The following DPP6 variants were observed in gnomAD, a reference collection of about 807,000 sequenced individuals.
The protein encoded by DPP6 is A-type potassium channel modulatory protein DPP6.
A neutral mutation model predicts 122.6 loss-of-function variants in DPP6; 69 were observed. The ratio of observed to expected loss-of-function variants is 0.56; its 90% CI spans 0.46 to 0.69. The LOEUF (loss-of-function observed/expected upper bound fraction) is 0.69. DPP6 is among the 30% of genes least tolerant of loss of function. DPP6 has a pLI of 0.00. For synonymous variants in DPP6, 418 were observed against 433.1 expected (o/e 0.97, Z 0.43); for missense variants, 928 against 1,116.9 (o/e 0.83, Z 2.41).
At chr7:154,560,881 T>G (rs1203942057) in intron 4 of DPP6, among the ~76,000 whole-genome samples, 1 of 132,768 alleles carries the variant, frequency 7.5e-6, no homozygotes, top group Non-Finnish European at 1.6e-5. Flanking sequence ...AGACTCCGTC[T>G]TAAAAAAAAA....
intron 1 of DPP6, among the ~76,000 whole-genome samples, chr7:154,430,944 A>G (rs1219321966): frequency 2.0e-5 from 3 of 152,138 alleles, no homozygotes; most frequent in East Asian, 1.9e-4. Flanking sequence ...TGCAAGTTCA[A>G]CGTGTGAAAA....
At chr7:154,408,018 C>G (rs552140333) in intron 1 of DPP6, among the ~76,000 whole-genome samples, 8 of 152,314 alleles carry the variant, frequency 5.3e-5, no homozygotes, top group African/African-American at 1.9e-4. Context: ...TTAAAACCAA[C>G]CTGGCACTTA....
At chr7:153,891,768 G>A (rs1353919993) in intron 1 of DPP6, among the ~76,000 whole-genome samples, 1 of 152,194 alleles carries the variant, frequency 6.6e-6, no homozygotes, top group Non-Finnish European at 1.5e-5. Context: ...ACTGTCCTGT[G>A]ACCCTTGGCG....
chr7:154,683,535 C>T (rs2131179425), intron 7 of DPP6, among the ~76,000 whole-genome samples: 1 of 152,272 alleles, frequency 6.6e-6, no homozygotes, highest in East Asian at 1.9e-4. Flanking sequence ...GTAACAGCTG[C>T]CTTCTTGGTT....
the DPP6 span, among the ~76,000 whole-genome samples, chr7:153,793,341 C>T: frequency 6.8e-6 from 1 of 146,972 alleles, no homozygotes; most frequent in Non-Finnish European, 1.5e-5. Context: ...GGAACTGGAG[C>T]AAAGGTGACT....
intron 1 of DPP6, among the ~76,000 whole-genome samples, chr7:154,210,849 A>G (rs1799701680): frequency 6.6e-6 from 1 of 152,026 alleles, no homozygotes; most frequent in Non-Finnish European, 1.5e-5. Flanking sequence ...AAAAAAAGAC[A>G]AAAGAAAAAG....
At chr7:154,463,796 T>C (rs1188851243) in intron 2 of DPP6, among the ~76,000 whole-genome samples, 1 of 152,132 alleles carries the variant, frequency 6.6e-6, no homozygotes, top group Non-Finnish European at 1.5e-5. Context: ...TTCCTGGTGC[T>C]CTATTCTACT....
chr7:154,707,312 G>A (rs553098086), intron 7 of DPP6, among the ~76,000 whole-genome samples: 6 of 152,160 alleles, frequency 3.9e-5, no homozygotes, highest in Admixed American at 1.3e-4. Context: ...AGGCAAGCAC[G>A]GCAGGTGTAA....
rs555575233 is a variant in DPP6, at chr7:154,535,375, A to G, written c.458-5157A>G. 7.0e-5 allele frequency among the ~76,000 whole-genome samples: 8 copies of G among 114,818 alleles called. No homozygotes were observed. In the East Asian group the frequency reaches 1.7e-3, roughly 25 times the overall value. 75.3% of individuals were successfully genotyped at this position (114,818 alleles called of 152,430 possible). On this transcript the variant is annotated intron_variant, in intron 3 of 25. Coordinates refer to ENST00000377770, the MANE Select transcript of DPP6 (RefSeq NM_130797.4). ...AAGAAAAATACAAAAAATAGATTTCATTCACTTTAGATTTTTTTTTTTTAT... is the reference window on the plus strand; with the variant it reads ...AAGAAAAATACAAAAAATAGATTTCGTTCACTTTAGATTTTTTTTTTTTAT...
chr7:153,853,487 C>T, the DPP6 span, among the ~76,000 whole-genome samples: 1 of 152,148 alleles, frequency 6.6e-6, no homozygotes, highest in Non-Finnish European at 1.5e-5. Context: ...ACATTGTTGT[C>T]AACCAGAATT....
intron 3 of DPP6, among the ~76,000 whole-genome samples, chr7:154,538,280 G>T (rs1378684346): frequency 4.6e-5 from 7 of 152,070 alleles, no homozygotes; most frequent in Non-Finnish European, 8.8e-5. Flanking sequence ...TGCAGGATGT[G>T]CAGGTTTGTA....
chr7:154,301,975 G>A (rs768560600), intron 1 of DPP6, among the ~76,000 whole-genome samples: 3 of 151,804 alleles, frequency 2.0e-5, no homozygotes, highest in African/African-American at 4.8e-5. Flanking sequence ...GTGACACCAC[G>A]CCCGGCTAAT....
the DPP6 span, among the ~76,000 whole-genome samples, chr7:153,818,532 A>T: frequency 6.6e-6 from 1 of 152,182 alleles, no homozygotes; most frequent in Admixed American, 6.5e-5. Context: ...GCTATCAGTG[A>T]ATTAACAACA....
At chr7:153,791,774 GA>G in the DPP6 span, among the ~76,000 whole-genome samples, 4 of 152,170 alleles carry the variant, frequency 2.6e-5, no homozygotes, top group African/African-American at 4.8e-5. Flanking sequence ...AGAGCAGACA[GA>G]AGCCTACTTA....
chr7:154,558,618 T>A (rs1025778695), intron 4 of DPP6, among the ~76,000 whole-genome samples: 1 of 152,242 alleles, frequency 6.6e-6, no homozygotes, highest in Non-Finnish European at 1.5e-5. Flanking sequence ...GTGTTACAAC[T>A]CTCTACAGTT....
chr7:154,412,054 T>C (rs906943572), intron 1 of DPP6, among the ~76,000 whole-genome samples: 11 of 152,082 alleles, frequency 7.2e-5, no homozygotes, highest in Non-Finnish European at 1.5e-5. Flanking sequence ...ACTCTCCAAC[T>C]TCAATAGCAC....
chr7:153,806,275 C>T, the DPP6 span, among the ~76,000 whole-genome samples: 3 of 151,972 alleles, frequency 2.0e-5, no homozygotes, highest in Non-Finnish European at 4.4e-5. Flanking sequence ...GTTCCCAGCT[C>T]CTCCACCATG....
intron 5 of DPP6, among the ~76,000 whole-genome samples, chr7:154,597,582 C>T (rs1458285716): frequency 3.3e-5 from 5 of 151,054 alleles, no homozygotes; most frequent in African/African-American, 1.2e-4. Context: ...CACTGCACTC[C>T]AGCCCGGGAG....
chr7:154,748,176 G>A (rs1342850045), intron 8 of DPP6, among the ~76,000 whole-genome samples: 1 of 152,196 alleles, frequency 6.6e-6, no homozygotes, highest in African/African-American at 2.4e-5. Flanking sequence ...ACAGAAAAGG[G>A]TGATGGGCAT....
Sources: gnomAD v4.1 joint callset for allele counts (sites outside exome capture counted in the v4.1 genomes callset) on GRCh38, gnomAD v4.1.1 for gene constraint, MANE v1.5 for transcripts, NCBI Gene and HGNC (gene_info 2026-07-23, HGNC 2026-07-21) for gene names.